MCTP1: variants seen among roughly 807,000 people sequenced by gnomAD.
The protein encoded by MCTP1 is multiple C2 and transmembrane domain containing 1, also known as multiple C2 and transmembrane domain-containing protein 1.
In MCTP1, 69 loss-of-function variants were observed where a neutral mutation model predicts 120.6. The ratio of observed to expected loss-of-function variants is 0.57; its 90% CI spans 0.47 to 0.70. The LOEUF is 0.70. MCTP1 is among the 30% of genes least tolerant of loss of function. The probability of loss-of-function intolerance (pLI) is 0.00; values close to 1 mark genes in which losing one functional copy is unlikely to be tolerated. For missense variants in MCTP1, 1,203 were observed against 1,248.8 expected, an observed-to-expected ratio of 0.96 and a Z score of 0.55; for synonymous variants, 529 against 493.1, an observed-to-expected ratio of 1.07 and a Z score of -0.96.
At chr5:95,001,373 G>A (rs1163190597) in intron 2 of MCTP1, among the ~76,000 whole-genome samples, 10 of 152,202 alleles carry the variant, frequency 6.6e-5, no homozygotes, top group African/African-American at 2.4e-4. Context: ...ACAGTTTGGA[G>A]GGCTCCGAAG....
chr5:94,795,770 C>G (rs779951015), intron 18 of MCTP1, among the ~76,000 whole-genome samples: 3 of 152,174 alleles, frequency 2.0e-5, no homozygotes, highest in Non-Finnish European at 4.4e-5. Context: ...GGTGAAATAC[C>G]ATTTTTAACC....
intron 1 of MCTP1, among the ~76,000 whole-genome samples, chr5:95,109,312 G>A (rs1757297773): frequency 6.6e-6 from 1 of 152,144 alleles, no homozygotes; most frequent in African/African-American, 2.4e-5. Context: ...ATAAACTAGT[G>A]AATATAAATG....
intron 1 of MCTP1, among the ~76,000 whole-genome samples, 196 bp from the exon 2 acceptor site, chr5:95,017,680 C>A (rs952865128): frequency 2.0e-5 from 3 of 152,110 alleles, no homozygotes; most frequent in Non-Finnish European, 2.9e-5. Context: ...GACTCAAAAA[C>A]ATGGCAGTTA....
intron 1 of MCTP1, among the ~76,000 whole-genome samples, chr5:95,095,866 C>T (rs923175389): frequency 6.6e-6 from 1 of 152,146 alleles, no homozygotes; most frequent in African/African-American, 2.4e-5. Context: ...AAGGAGTAGG[C>T]GGTGACCGTG....
intron 8 of MCTP1, among the ~76,000 whole-genome samples, chr5:94,915,936 A>C (rs139721790): frequency 3.0e-4 from 46 of 152,256 alleles, no homozygotes; most frequent in African/African-American, 1.1e-3. Context: ...GCTAAGTGGG[A>C]GGAAGGAGAA....
intron 1 of MCTP1, among the ~76,000 whole-genome samples, chr5:95,072,085 G>GTGTGTGTGTA (rs1323634693): frequency 6.0e-5 from 9 of 151,040 alleles, no homozygotes; most frequent in Non-Finnish European, 1.3e-4. Flanking sequence ...ATTTTCCTGT[G>GTGTGTGTGTA]TGTGTGTGTG....
At chr5:95,204,225 G>A (rs1227993468) in intron 1 of MCTP1, among the ~76,000 whole-genome samples, 1 of 152,140 alleles carries the variant, frequency 6.6e-6, no homozygotes, top group Non-Finnish European at 1.5e-5. Flanking sequence ...GAAAAGAGGA[G>A]AGGATCAGCT....
At chr5:94,812,618 A>G (rs2153070071) in intron 17 of MCTP1, among the ~76,000 whole-genome samples, 1 of 152,180 alleles carries the variant, frequency 6.6e-6, no homozygotes, top group South Asian at 2.1e-4. Context: ...ATTACTATAT[A>G]CAGAAAATTC....
At chr5:95,148,533 A>G (rs1760617724) in intron 1 of MCTP1, among the ~76,000 whole-genome samples, 1 of 152,194 alleles carries the variant, frequency 6.6e-6, no homozygotes, top group Non-Finnish European at 1.5e-5. Flanking sequence ...GAGTTCTCCA[A>G]TTCCAGAAGT....
In MCTP1 at chr5:95,188,501, A is replaced by G. The variant is rs569270356; in HGVS notation, c.720+95355T>C. 2.6e-5 allele frequency among the ~76,000 whole-genome samples: 4 copies of G among 152,344 alleles called. No individual in the cohort carries two copies. In the East Asian group the frequency reaches 7.7e-4, roughly 29 times the overall value. ...TTAGTAACAGCCAAAAACTAGAAAC[A>G]ACCTTCGATGGGAAGGAAACCCATT... On this transcript the variant is annotated intron_variant, in intron 1 of 22. Coordinates refer to ENST00000515393, the MANE Select transcript of MCTP1 (RefSeq NM_024717.7).
At chr5:95,250,794 A>G (rs773359636) in intron 1 of MCTP1, among the ~76,000 whole-genome samples, 10 of 152,140 alleles carry the variant, frequency 6.6e-5, no homozygotes, top group Non-Finnish European at 1.3e-4. Context: ...TAGCTTTATT[A>G]TTATATTTTT....
intron 1 of MCTP1, among the ~76,000 whole-genome samples, chr5:95,206,212 TA>T (rs1751598028): frequency 6.6e-6 from 1 of 152,226 alleles, no homozygotes. Flanking sequence ...GAAGTACTAA[TA>T]CATGTTATAA....
At chr5:95,232,158 T>TAAAAAAAA (rs35731165) in intron 1 of MCTP1, among the ~76,000 whole-genome samples, 2 of 66,992 alleles carry the variant, frequency 3.0e-5, no homozygotes, top group Non-Finnish European at 3.0e-5. Context: ...AAGTGATCAC[T>TAAAAAAAA]AAAAAAAAAA....
intron 1 of MCTP1, among the ~76,000 whole-genome samples, chr5:95,166,897 T>C (rs1352412330): frequency 1.3e-5 from 2 of 151,188 alleles, no homozygotes; most frequent in Non-Finnish European, 2.9e-5. Flanking sequence ...CATTTTTCCA[T>C]GTGTCTTTCC....
chr5:95,155,376 G>C (rs924252822), intron 1 of MCTP1, among the ~76,000 whole-genome samples: 4 of 152,108 alleles, frequency 2.6e-5, no homozygotes, highest in Non-Finnish European at 5.9e-5. Flanking sequence ...AAGATTGTTG[G>C]ACTCTTGTTT....
At chr5:94,961,119 G>T (rs1044290096) in intron 2 of MCTP1, among the ~76,000 whole-genome samples, 13 of 152,152 alleles carry the variant, frequency 8.5e-5, no homozygotes, top group Non-Finnish European at 1.5e-4. Context: ...CATGTCCTTT[G>T]TAGGGACATG....
intron 11 of MCTP1, among the ~76,000 whole-genome samples, chr5:94,889,782 A>T (rs996308359): frequency 6.7e-6 from 1 of 148,850 alleles, no homozygotes. Context: ...ACACACACAC[A>T]CCCCTCTATG....
intron 6 of MCTP1, among the ~76,000 whole-genome samples, chr5:94,930,169 T>C (rs1814228870): frequency 6.6e-6 from 1 of 151,682 alleles, no homozygotes. Context: ...TTAAATTTTC[T>C]GTATATGGAA....
intron 17 of MCTP1, among the ~76,000 whole-genome samples, chr5:94,854,149 C>A (rs1794294224): frequency 6.6e-6 from 1 of 151,766 alleles, no homozygotes; most frequent in Admixed American, 6.6e-5. Context: ...ATTATTTCTC[C>A]CTCCTTACTC....
Sources: allele counts gnomAD v4.1 joint callset (sites outside exome capture counted in the v4.1 genomes callset), GRCh38; gene constraint gnomAD v4.1.1; transcripts MANE v1.5; gene names NCBI Gene and HGNC (gene_info 2026-07-23, HGNC 2026-07-21).